CSMD1: variants seen among roughly 807,000 people sequenced by gnomAD.
CSMD1 encodes the protein CUB and Sushi multiple domains 1.
CSMD1 carries 213 observed loss-of-function variants against 417.5 expected under a neutral mutation model. That is an observed-to-expected ratio of 0.51 (90% CI 0.46 to 0.57). CSMD1 has a LOEUF of 0.57. CSMD1 is among the 20% of genes least tolerant of loss of function. The pLI is 0.00. For synonymous variants in CSMD1, 2,862 were observed against 1,736.8 expected (o/e 1.65, Z -16.11); for missense variants, 6,923 against 4,529.7 (o/e 1.53, Z -15.17).
chr8:3,323,261 G>A (rs187223412), intron 23 of CSMD1, among the ~76,000 whole-genome samples: 1 of 152,010 alleles, frequency 6.6e-6, no homozygotes, highest in African/African-American at 2.4e-5. Context: ...CAACATTCTT[G>A]CACCCTTAAT....
At chr8:3,914,957 G>C (rs1808714891) in intron 5 of CSMD1, among the ~76,000 whole-genome samples, 1 of 152,114 alleles carries the variant, frequency 6.6e-6, no homozygotes, top group Non-Finnish European at 1.5e-5. Context: ...CAACAAAACA[G>C]TATTGCAGTG....
At chr8:3,853,227 C>A (rs958050914) in intron 5 of CSMD1, among the ~76,000 whole-genome samples, 14 of 152,122 alleles carry the variant, frequency 9.2e-5, no homozygotes, top group African/African-American at 3.4e-4. Context: ...TTTGTTGGTT[C>A]TTCCTTTTGG....
intron 37 of CSMD1, among the ~76,000 whole-genome samples, chr8:3,179,376 A>T (rs938615064): frequency 1.3e-5 from 2 of 152,214 alleles, no homozygotes; most frequent in Non-Finnish European, 2.9e-5. Context: ...AAAATAACAA[A>T]CAAAAATGTG....
At chr8:3,114,222 C>T (rs915563975) in intron 42 of CSMD1, among the ~76,000 whole-genome samples, 14 of 152,150 alleles carry the variant, frequency 9.2e-5, no homozygotes, top group African/African-American at 2.2e-4. Flanking sequence ...CCAGCCTGGG[C>T]AACAGCCTGA....
At chr8:3,076,323 G>C (rs948489573) in intron 49 of CSMD1, among the ~76,000 whole-genome samples, 14 of 73,166 alleles carry the variant, frequency 1.9e-4, no homozygotes, top group Admixed American at 3.3e-4. Context: ...CTTCCTCTTT[G>C]TATGAGGACA....
rs118173950 is a variant in CSMD1, at chr8:4,977,743, G to T, written c.85+16589C>A. 1.4e-3 allele frequency among the ~76,000 whole-genome samples: 212 copies of T among 152,328 alleles called. 3 individuals are homozygous for T. In the East Asian group the frequency reaches 0.021, roughly 15 times the overall value. On this transcript the variant is annotated intron_variant, in intron 1 of 69. Transcript: ENST00000635120. ...AAGTCACTAAGCTACAAATTAGGTTGCAGGCAGGTTCACCTGCTAGAGATG... is the reference window on the plus strand; with the variant it reads ...AAGTCACTAAGCTACAAATTAGGTTTCAGGCAGGTTCACCTGCTAGAGATG...
intron 3 of CSMD1, among the ~76,000 whole-genome samples, chr8:4,266,074 G>T (rs1360086775): frequency 9.7e-6 from 1 of 103,156 alleles, no homozygotes; most frequent in African/African-American, 2.6e-5. Context: ...CCTGCCCACC[G>T]CACATAGACT....
chr8:4,057,191 C>A (rs1315424707), intron 3 of CSMD1, among the ~76,000 whole-genome samples: 1 of 152,134 alleles, frequency 6.6e-6, no homozygotes, highest in South Asian at 2.1e-4. Flanking sequence ...CTCTCCAGCA[C>A]CTGTTGTTTC....
chr8:4,190,692 T>C (rs764403760), intron 3 of CSMD1, among the ~76,000 whole-genome samples: 5 of 152,286 alleles, frequency 3.3e-5, no homozygotes, highest in Middle Eastern at 6.8e-3. Flanking sequence ...TTTTTCATTA[T>C]GAATTAACAA....
chr8:3,254,905 T>C (rs1296109970), intron 26 of CSMD1, among the ~76,000 whole-genome samples: 1 of 152,224 alleles, frequency 6.6e-6, no homozygotes, highest in Non-Finnish European at 1.5e-5. Context: ...TTTGTTCCAT[T>C]GTTGGTGAGG....
At chr8:3,606,753 C>A (rs1042288553) in intron 8 of CSMD1, among the ~76,000 whole-genome samples, 2 of 150,754 alleles carry the variant, frequency 1.3e-5, no homozygotes, top group African/African-American at 4.9e-5. Flanking sequence ...ACTGGGTCCC[C>A]AGGCTGGGGT....
chr8:3,004,473 T>C (rs547899558), intron 52 of CSMD1, among the ~76,000 whole-genome samples: 1 of 152,322 alleles, frequency 6.6e-6, no homozygotes, highest in South Asian at 2.1e-4. Flanking sequence ...AATTTATTAG[T>C]CTACTAGTAA....
chr8:4,276,195 A>T (rs4559263), intron 3 of CSMD1, among the ~76,000 whole-genome samples: 1 of 152,218 alleles, frequency 6.6e-6, no homozygotes, highest in Non-Finnish European at 1.5e-5. Context: ...AGCACTGTTC[A>T]CAATAGCAAA....
At chr8:3,998,857 T>G (rs1032107599) in intron 4 of CSMD1, among the ~76,000 whole-genome samples, 3 of 150,354 alleles carry the variant, frequency 2.0e-5, no homozygotes, top group African/African-American at 7.3e-5. Flanking sequence ...ATATGCATTT[T>G]AAACTATATA....
At chr8:3,219,932 A>T (rs1798104031) in intron 28 of CSMD1, among the ~76,000 whole-genome samples, 1 of 152,108 alleles carries the variant, frequency 6.6e-6, no homozygotes, top group South Asian at 2.1e-4. Flanking sequence ...ATTTTTACTT[A>T]AAAAATGCAG....
intron 11 of CSMD1, among the ~76,000 whole-genome samples, chr8:3,492,779 C>G (rs1378197224): frequency 3.3e-5 from 5 of 152,130 alleles, no homozygotes; most frequent in East Asian, 3.9e-4. Context: ...ACCGTGTTTG[C>G]TAAGACTCTG....
chr8:3,086,807 G>C (rs933021885), intron 49 of CSMD1, among the ~76,000 whole-genome samples: 2 of 152,080 alleles, frequency 1.3e-5, no homozygotes, highest in Non-Finnish European at 2.9e-5. Context: ...AAATTATTTT[G>C]AATCTTAAAT....
intron 3 of CSMD1, among the ~76,000 whole-genome samples, chr8:4,330,334 C>T (rs1277687903): frequency 6.6e-6 from 1 of 151,536 alleles, no homozygotes; most frequent in Non-Finnish European, 1.5e-5. Context: ...CTGGCTCACA[C>T]CTGTAATCCC....
chr8:4,436,519 C>A (rs1226734656), intron 2 of CSMD1, among the ~76,000 whole-genome samples: 1 of 152,112 alleles, frequency 6.6e-6, no homozygotes, highest in Non-Finnish European at 1.5e-5. Context: ...AAACATTTAT[C>A]CTTCAAGTAA....
Sources: gnomAD v4.1 joint callset for allele counts (sites outside exome capture counted in the v4.1 genomes callset) on GRCh38, gnomAD v4.1.1 for gene constraint, MANE v1.5 for transcripts, NCBI Gene and HGNC (gene_info 2026-07-23, HGNC 2026-07-21) for gene names.